The following COL11A1 variants were observed in gnomAD, a reference collection of about 807,000 sequenced individuals.
The protein encoded by COL11A1 is collagen type XI alpha 1 chain.
In COL11A1, 74 loss-of-function variants were observed where a neutral mutation model predicts 265.2. The observed-to-expected ratio is 0.28, with a 90% CI of 0.23 to 0.34. The LOEUF (loss-of-function observed/expected upper bound fraction) is 0.34, where lower values mean the gene tolerates loss of function less well. COL11A1 is among the 10% of genes least tolerant of loss of function. The pLI, the probability that COL11A1 is intolerant of heterozygous loss-of-function variation, is 1.00. For synonymous variants in COL11A1, 816 were observed against 727.6 expected, an observed-to-expected ratio of 1.12 and a Z score of -1.96; for missense variants, 2,165 against 2,263.6, an observed-to-expected ratio of 0.96 and a Z score of 0.88.
Position 102,984,216 on chromosome 1 carries a change from A to C in COL11A1, c.2503-25T>G, listed in dbSNP as rs369599586. 2.1e-6 allele frequency: 3 copies of C among 1,443,552 alleles called. No individual in the cohort carries two copies. The African/African-American group carries it at 4.3e-5, about 21-fold the overall frequency. The allele number at this position is 1,443,552 out of a possible 1,614,324, so 89.4% of individuals were successfully genotyped here. A position where few individuals can be genotyped will look rare whatever the true frequency, so the allele number is the denominator to read the frequency against. On this transcript the variant is annotated intron_variant, in intron 30 of 66. Coordinates refer to ENST00000370096, the MANE Select transcript of COL11A1 (RefSeq NM_001854.4). Reference sequence around the variant, plus strand: ...CCTACAGTTAAAATATATAATAATCAAAGTAATATTTTAAGTTGAATTAAG... The same window carrying C: ...CCTACAGTTAAAATATATAATAATCCAAGTAATATTTTAAGTTGAATTAAG...
chr1:102,929,472 C>G (rs549764721), intron 46 of COL11A1, among the ~76,000 whole-genome samples: 3 of 151,900 alleles, frequency 2.0e-5, no homozygotes, highest in African/African-American at 7.3e-5. Flanking sequence ...GGTACCAGTA[C>G]CATGCTGTTT....
chr1:102,958,321 T>G (rs1465780085), intron 41 of COL11A1, among the ~76,000 whole-genome samples: 3 of 151,016 alleles, frequency 2.0e-5, no homozygotes, highest in Non-Finnish European at 4.4e-5. Flanking sequence ...TCCTGATTCT[T>G]TTTTTTTTCA....
At chr1:102,911,537 G>A (rs577024754) in intron 54 of COL11A1, among the ~76,000 whole-genome samples, 6 of 152,158 alleles carry the variant, frequency 3.9e-5, no homozygotes, top group African/African-American at 1.2e-4. Flanking sequence ...GATAGCTGCT[G>A]TAAGAGGCAG....
chr1:102,922,308 T>G (rs1386668032), intron 47 of COL11A1, among the ~76,000 whole-genome samples: 1 of 152,220 alleles, frequency 6.6e-6, no homozygotes, highest in Non-Finnish European at 1.5e-5. Context: ...AATATATCAA[T>G]GATTCATGGA....
intron 54 of COL11A1, among the ~76,000 whole-genome samples, chr1:102,909,284 C>T (rs1408346292): frequency 6.6e-6 from 1 of 152,156 alleles, no homozygotes; most frequent in Non-Finnish European, 1.5e-5. Flanking sequence ...ACTGCACACA[C>T]CCCCTCTGCT....
intron 14 of COL11A1, 83 bp from the exon 15 acceptor site, chr1:103,008,599 T>A: frequency 9.0e-7 from 1 of 1,106,592 alleles, no homozygotes; most frequent in Non-Finnish European, 1.4e-6. Context: ...CTGAAATAAT[T>A]AAACATTATT....
chr1:102,937,131 AT>A (rs1313058823), intron 44 of COL11A1, among the ~76,000 whole-genome samples: 1 of 152,156 alleles, frequency 6.6e-6, no homozygotes, highest in East Asian at 1.9e-4. Context: ...TTATAAATAA[AT>A]CAATACATAA....
intron 46 of COL11A1, among the ~76,000 whole-genome samples, chr1:102,933,906 CTT>C (rs1657844990): frequency 6.6e-6 from 1 of 152,182 alleles, no homozygotes; most frequent in African/African-American, 2.4e-5. Flanking sequence ...TCCCTGACCC[CTT>C]TTGCTTCCCA....
At position 102,965,518 on chromosome 1, in the gene COL11A1, G is replaced by C. The variant is rs1192133331; in HGVS notation, c.2885C>G (p.Pro962Arg). 5 of 1,613,596 alleles carry C rather than the reference G, an allele frequency of 3.1e-6. No homozygotes were observed. Among genetic ancestry groups the C allele is most frequent in the Non-Finnish European group, 4.2e-6 (5 of 1,179,760 alleles). The change falls in exon 38 of 67, where the codon CCT (proline) becomes CGT (arginine). Residue 962 changes from proline (P) to arginine (R), a missense_variant. Transcript: ENST00000370096. The part of the protein sequence containing the change: ...GETGFQGKTG[P>R]PGPGGVVGPQ... ...TCCAACCACTCCCCCTGGCCCAGGAGGGCCGGTCTTGCCTTGAAATCCCTA... is the reference window on the plus strand; with the variant it reads ...TCCAACCACTCCCCCTGGCCCAGGACGGCCGGTCTTGCCTTGAAATCCCTA...
rs961570823 is a variant in COL11A1, at chr1:102,962,378, G to T, written c.3025-113C>A. 7 of 890,902 alleles carry T rather than the reference G, an allele frequency of 7.9e-6. No individual in the cohort carries two copies. The African/African-American group carries it at 1.2e-4, about 15-fold the overall frequency. The allele number at this position is 890,902 out of a possible 1,614,324, so 55.2% of individuals were successfully genotyped here. On this transcript the variant is annotated intron_variant, in intron 39 of 66. Coordinates refer to ENST00000370096, the MANE Select transcript of COL11A1 (RefSeq NM_001854.4). The stretch of plus-strand genomic sequence containing the variant: ...AAGTAAAATGTGAATATTATTTAAT[G>T]ATGAGAATATTGGGTGGAATGCCAT...
At chr1:102,952,977 A>G (rs1044055548) in intron 41 of COL11A1, among the ~76,000 whole-genome samples, 2 of 152,212 alleles carry the variant, frequency 1.3e-5, no homozygotes, top group Non-Finnish European at 1.5e-5. Context: ...ACTAATGAGA[A>G]TCTATTCTCT....
At position 102,946,897 on chromosome 1, in the gene COL11A1, G is replaced by A. The variant is rs1659347714; in HGVS notation, c.3228C>T (p.Arg1076=). 6.2e-7 allele frequency: 1 copy of A among 1,613,654 alleles called. No individual in the cohort carries two copies. Among genetic ancestry groups the A allele is most frequent in the South Asian group, 1.1e-5 (1 of 90,958 alleles). ...GACCAGGAGGACCCTGAGGTCCCGGGCGCCCTGGTAAACCAATTGGGCCAG... is the reference window on the plus strand; with the variant it reads ...GACCAGGAGGACCCTGAGGTCCCGGACGCCCTGGTAAACCAATTGGGCCAG... The part of the protein sequence containing the change: ...GTAGPIGLPG[R]PGPQGPPGPA... Residue 1076 remains arginine, a synonymous_variant, in exon 42 of 67, where the codon CGC becomes CGT. Coordinates refer to ENST00000370096, the MANE Select transcript of COL11A1 (RefSeq NM_001854.4).
chr1:102,941,910 GAC>G (rs1658766412), intron 42 of COL11A1, among the ~76,000 whole-genome samples: 1 of 152,060 alleles, frequency 6.6e-6, no homozygotes, highest in African/African-American at 2.4e-5. Context: ...CTGGCCTGTG[GAC>G]CAGAGTAGTC....
intron 53 of COL11A1, 132 bp from the exon 54 acceptor site, chr1:102,912,344 G>C: frequency 2.8e-6 from 2 of 704,616 alleles, no homozygotes; most frequent in South Asian, 2.0e-5. Context: ...GAAAATCTCA[G>C]CCCTATTTCA....
intron 41 of COL11A1, among the ~76,000 whole-genome samples, chr1:102,950,906 T>C (rs955652387): frequency 1.3e-5 from 2 of 152,082 alleles, no homozygotes; most frequent in African/African-American, 4.8e-5. Context: ...AATGAGTGAG[T>C]TCTTATGGGA....
In COL11A1 at chr1:103,018,878, A is replaced by G. The variant is rs1237847129; in HGVS notation, c.1309-19T>C. ...GCATACCCTATAACAGGAAAAGAGA[A>G]CATCTCTACCAGGGAAATATAACCC... On this transcript the variant is annotated intron_variant, in intron 9 of 66. Transcript: ENST00000370096. 4 of 1,608,136 alleles carry G rather than the reference A, an allele frequency of 2.5e-6. No homozygotes were observed. Among genetic ancestry groups the G allele is most frequent in the Non-Finnish European group, 3.4e-6 (4 of 1,175,076 alleles).
intron 60 of COL11A1, 42 bp downstream of exon 60, chr1:102,888,824 A>G: frequency 6.2e-7 from 1 of 1,612,582 alleles, no homozygotes. Context: ...TTATATTTGT[A>G]ACTTAACCCT....
At chr1:102,913,603 A>G (rs1654959007) in intron 53 of COL11A1, 34 bp downstream of exon 53, 1 of 1,598,652 alleles carries the variant, frequency 6.3e-7, no homozygotes, top group Non-Finnish European at 8.6e-7. Context: ...GAGACTATGT[A>G]AAAACTTAAA....
intron 4 of COL11A1, among the ~76,000 whole-genome samples, chr1:103,072,716 A>G (rs1304192746): frequency 2.0e-5 from 3 of 151,772 alleles, no homozygotes; most frequent in African/African-American, 4.8e-5. Flanking sequence ...TTCTTCATGC[A>G]CTATTTTCAA....
Sources: allele counts gnomAD v4.1 joint callset (sites outside exome capture counted in the v4.1 genomes callset), GRCh38; gene constraint gnomAD v4.1.1; transcripts MANE v1.5; gene names NCBI Gene and HGNC (gene_info 2026-07-23, HGNC 2026-07-21).